Variants in LRP1B observed in about 807,000 individuals in gnomAD.
The protein encoded by LRP1B is low-density lipoprotein receptor-related protein 1B.
LRP1B carries 217 observed loss-of-function variants against 556.6 expected under a neutral mutation model. The observed-to-expected ratio is 0.39, with a 90% CI of 0.35 to 0.44. The LOEUF is 0.44. Among genes scored for constraint, LRP1B ranks in the 20% least tolerant of loss-of-function variants. The probability of loss-of-function intolerance (pLI) is 1.00; values close to 1 mark genes in which losing one functional copy is unlikely to be tolerated. For synonymous variants in LRP1B, 2,047 were observed against 1,865.8 expected (o/e 1.10, Z -2.50); for missense variants, 5,053 against 5,620.8 (o/e 0.90, Z 3.23).
intron 2 of LRP1B, among the ~76,000 whole-genome samples, chr2:141,727,807 ATCTC>A (rs1271275523): frequency 6.6e-6 from 1 of 151,608 alleles, no homozygotes; most frequent in Admixed American, 6.6e-5. Flanking sequence ...CTATATATCA[ATCTC>A]TCTATATATA....
intron 7 of LRP1B, among the ~76,000 whole-genome samples, chr2:141,173,373 C>T (rs1298983717): frequency 6.6e-6 from 1 of 152,034 alleles, no homozygotes; most frequent in African/African-American, 2.4e-5. Context: ...TTTTTCCTAA[C>T]ATAAACTTGA....
At chr2:141,857,781 T>A (rs1288098760) in intron 1 of LRP1B, among the ~76,000 whole-genome samples, 1 of 152,180 alleles carries the variant, frequency 6.6e-6, no homozygotes, top group Non-Finnish European at 1.5e-5. Context: ...GTAGTTAACC[T>A]TCTTCCTCTC....
At chr2:141,482,957 T>C (rs994676304) in intron 2 of LRP1B, among the ~76,000 whole-genome samples, 1 of 151,014 alleles carries the variant, frequency 6.6e-6, no homozygotes, top group African/African-American at 2.5e-5. Flanking sequence ...GTTTTGTTTT[T>C]TTATTTTATT....
chr2:141,616,349 A>G (rs934522351), intron 2 of LRP1B, among the ~76,000 whole-genome samples: 1 of 152,000 alleles, frequency 6.6e-6, no homozygotes, highest in Non-Finnish European at 1.5e-5. Flanking sequence ...GAACAATTCA[A>G]TATGTTAGGC....
chr2:140,544,719 A>G (rs1680261881), intron 43 of LRP1B, among the ~76,000 whole-genome samples: 1 of 152,052 alleles, frequency 6.6e-6, no homozygotes, highest in South Asian at 2.1e-4. Flanking sequence ...TACCCAGTCT[A>G]CCATTGATGG....
chr2:140,562,835 C>T (rs1420133649), intron 43 of LRP1B, among the ~76,000 whole-genome samples: 13 of 151,994 alleles, frequency 8.6e-5, no homozygotes, highest in Admixed American at 7.9e-4. Context: ...AGGCTGGTCT[C>T]CAACTCCTGG....
intron 1 of LRP1B, among the ~76,000 whole-genome samples, chr2:141,955,956 T>C (rs1701237061): frequency 2.0e-5 from 3 of 151,974 alleles, no homozygotes; most frequent in Admixed American, 6.6e-5. Flanking sequence ...GTAATCCCAA[T>C]GCTTTGGGAG....
chr2:141,473,356 T>C (rs1682553270), intron 3 of LRP1B, among the ~76,000 whole-genome samples: 1 of 152,202 alleles, frequency 6.6e-6, no homozygotes, highest in East Asian at 1.9e-4. Context: ...CATTTGTCAA[T>C]ATAAACAATA....
At chr2:141,165,294 C>G (rs1258577249) in intron 7 of LRP1B, among the ~76,000 whole-genome samples, 3 of 151,900 alleles carry the variant, frequency 2.0e-5, no homozygotes, top group Admixed American at 1.3e-4. Context: ...AGTCCAGGCC[C>G]TTCCCAATAT....
At chr2:142,117,626 T>TGAGA (rs959953405) in intron 1 of LRP1B, among the ~76,000 whole-genome samples, 2 of 150,906 alleles carry the variant, frequency 1.3e-5, no homozygotes, top group Non-Finnish European at 2.9e-5. Context: ...TGTGTGTGTG[T>TGAGA]GAGAGAGAGA....
intron 3 of LRP1B, among the ~76,000 whole-genome samples, chr2:141,459,186 T>G (rs1454909929): frequency 6.6e-6 from 1 of 152,184 alleles, no homozygotes; most frequent in African/African-American, 2.4e-5. Context: ...ATATGTTGAA[T>G]GGATTACACA....
At chr2:141,723,188 T>C (rs1218800942) in intron 2 of LRP1B, among the ~76,000 whole-genome samples, 1 of 151,938 alleles carries the variant, frequency 6.6e-6, no homozygotes, top group African/African-American at 2.4e-5. Context: ...AAAGATTTCA[T>C]TATTGTTTTA....
intron 30 of LRP1B, 33 bp downstream of exon 30, chr2:140,840,885 T>C: frequency 1.4e-6 from 2 of 1,408,100 alleles, no homozygotes; most frequent in Non-Finnish European, 1.9e-6. Context: ...TATGAAATTT[T>C]GGAAAAACTT....
At chr2:141,972,456 T>A (rs868267893) in intron 1 of LRP1B, among the ~76,000 whole-genome samples, 1 of 151,582 alleles carries the variant, frequency 6.6e-6, no homozygotes, top group African/African-American at 2.4e-5. Flanking sequence ...GTTTCTAATA[T>A]ATACCAAGGA....
intron 1 of LRP1B, among the ~76,000 whole-genome samples, chr2:141,818,531 C>CTTTTTTTTTTTTTTTTTTTTT (rs70994453): frequency 1.2e-5 from 1 of 82,070 alleles, no homozygotes; most frequent in Admixed American, 1.7e-4. Context: ...ATTTCTGTAT[C>CTTTTTTTTTTTTTTTTTTTTT]TTTTTTTTTT....
chr2:141,463,618 TG>T (rs1359374875), intron 3 of LRP1B, among the ~76,000 whole-genome samples: 5 of 60,632 alleles, frequency 8.2e-5, no homozygotes, highest in South Asian at 3.7e-4. Context: ...TATATAATTA[TG>T]TATTATATAT....
chr2:141,029,123 T>C (rs1347515289), intron 11 of LRP1B, among the ~76,000 whole-genome samples: 4 of 152,060 alleles, frequency 2.6e-5, no homozygotes, highest in African/African-American at 4.8e-5. Context: ...GTTGGGACCA[T>C]GTCTAGGGTG....
At chr2:140,826,860 G>A (rs1229754086) in intron 31 of LRP1B, among the ~76,000 whole-genome samples, 1 of 152,042 alleles carries the variant, frequency 6.6e-6, no homozygotes, top group Non-Finnish European at 1.5e-5. Flanking sequence ...GTGAAACACT[G>A]TTCTTTATCT....
intron 2 of LRP1B, among the ~76,000 whole-genome samples, chr2:141,785,361 T>A (rs948142912): frequency 6.6e-6 from 1 of 151,898 alleles, no homozygotes; most frequent in Non-Finnish European, 1.5e-5. Context: ...TAATTGCATA[T>A]CCTGGCTGAC....
Sources: allele counts gnomAD v4.1 joint callset (sites outside exome capture counted in the v4.1 genomes callset), GRCh38; gene constraint gnomAD v4.1.1; transcripts MANE v1.5; gene names NCBI Gene and HGNC (gene_info 2026-07-23, HGNC 2026-07-21).